The following TCF4 variants were observed in gnomAD, a reference collection of about 807,000 sequenced individuals.
TCF4 encodes the protein transcription factor 4, also known as SL3-3 enhancer factor 2.
A neutral mutation model predicts 82.1 loss-of-function variants in TCF4; 3 were observed. That is an observed-to-expected ratio of 0.04 (90% CI 0.02 to 0.09). The LOEUF (loss-of-function observed/expected upper bound fraction) is 0.09. Ranked by LOEUF, TCF4 falls within the 10% of genes least tolerant of loss-of-function variation. The probability of loss-of-function intolerance (pLI) is 1.00; values close to 1 mark genes in which losing one functional copy is unlikely to be tolerated. For synonymous variants in TCF4, 276 were observed against 309.6 expected (o/e 0.89, Z 1.14); for missense variants, 518 against 852.7 (o/e 0.61, Z 4.89).
intron 3 of TCF4, among the ~76,000 whole-genome samples, chr18:55,570,889 C>CA (rs201400921): frequency 0.024 from 1,639 of 67,556 alleles, 19 homozygotes; most frequent in African/African-American, 0.051. Flanking sequence ...GACCCTGCCT[C>CA]AAAAAAAAAA....
At chr18:55,567,030 C>G (rs1373913642) in intron 3 of TCF4, among the ~76,000 whole-genome samples, 1 of 152,002 alleles carries the variant, frequency 6.6e-6, no homozygotes, top group African/African-American at 2.4e-5. Context: ...TTATGAGCCA[C>G]AGGGAAATTC....
chr18:55,467,934 G>GT (rs2096067539), intron 3 of TCF4, among the ~76,000 whole-genome samples: 1 of 152,158 alleles, frequency 6.6e-6, no homozygotes, highest in Non-Finnish European at 1.5e-5. Flanking sequence ...GCTCAGATGG[G>GT]TTAGAAAACT....
At chr18:55,610,354 G>A (rs1209105913) in intron 2 of TCF4, among the ~76,000 whole-genome samples, 1 of 152,168 alleles carries the variant, frequency 6.6e-6, no homozygotes, top group Non-Finnish European at 1.5e-5. Flanking sequence ...TTTGAGTTTG[G>A]TTGGCATTTC....
intron 5 of TCF4, among the ~76,000 whole-genome samples, chr18:55,418,335 T>C (rs1333581770): frequency 6.6e-6 from 1 of 152,152 alleles, no homozygotes; most frequent in Non-Finnish European, 1.5e-5. Flanking sequence ...TTGAAACTTA[T>C]GAACACATTT....
intron 5 of TCF4, among the ~76,000 whole-genome samples, chr18:55,425,799 T>A (rs907891247): frequency 5.3e-5 from 8 of 152,164 alleles, no homozygotes; most frequent in African/African-American, 1.9e-4. Context: ...GAGATTTCAT[T>A]TCTTTTGTTA....
chr18:55,253,224 T>C (rs549110750), intron 15 of TCF4, among the ~76,000 whole-genome samples: 1 of 152,192 alleles, frequency 6.6e-6, no homozygotes, highest in African/African-American at 2.4e-5. Context: ...AACTGAAAGA[T>C]GGACAGGAGA....
chr18:55,448,730 C>T (rs77679524), intron 5 of TCF4, among the ~76,000 whole-genome samples: 3,755 of 152,322 alleles, frequency 0.025, 85 homozygotes, highest in Non-Finnish European at 0.031. Flanking sequence ...AGTGAGTACT[C>T]TCTCTTATTC....
intron 8 of TCF4, among the ~76,000 whole-genome samples, chr18:55,296,388 C>T (rs1300856222): frequency 5.9e-5 from 9 of 152,126 alleles, no homozygotes; most frequent in Non-Finnish European, 5.9e-5. Flanking sequence ...TGTTAGCTCT[C>T]TTGAGTGCAA....
chr18:55,602,418 G>C (rs2147948080), intron 2 of TCF4, among the ~76,000 whole-genome samples: 1 of 152,102 alleles, frequency 6.6e-6, no homozygotes, highest in African/African-American at 2.4e-5. Context: ...AATCTTTGTT[G>C]GCATCCGCCA....
intron 15 of TCF4, among the ~76,000 whole-genome samples, chr18:55,252,293 T>C (rs2145415212): frequency 6.6e-6 from 1 of 152,218 alleles, no homozygotes; most frequent in East Asian, 1.9e-4. Context: ...GATTGAATAT[T>C]AAATGTCTTC....
chr18:55,634,861 TG>T (rs1338274971), intron 1 of TCF4, among the ~76,000 whole-genome samples: 1 of 152,190 alleles, frequency 6.6e-6, no homozygotes, highest in Non-Finnish European at 1.5e-5. Flanking sequence ...AATAGACTGT[TG>T]AAGGAAGAAC....
chr18:55,412,309 G>C (rs1461019092), intron 5 of TCF4, among the ~76,000 whole-genome samples: 1 of 151,196 alleles, frequency 6.6e-6, no homozygotes, highest in Admixed American at 6.6e-5. Flanking sequence ...CTGGCAGCGT[G>C]CTAGGCCTTT....
At chr18:55,560,658 A>C (rs2097347244) in intron 3 of TCF4, among the ~76,000 whole-genome samples, 1 of 152,218 alleles carries the variant, frequency 6.6e-6, no homozygotes, top group East Asian at 1.9e-4. Context: ...TGAGGAAATT[A>C]TAAATAACAG....
chr18:55,422,924 G>A (rs112001726), intron 5 of TCF4, among the ~76,000 whole-genome samples: 1 of 151,730 alleles, frequency 6.6e-6, no homozygotes, highest in Non-Finnish European at 1.5e-5. Flanking sequence ...GAGCCGATCA[G>A]CATTTTTGGG....
intron 5 of TCF4, among the ~76,000 whole-genome samples, chr18:55,436,497 G>A (rs1406573881): frequency 6.6e-6 from 1 of 152,112 alleles, no homozygotes; most frequent in South Asian, 2.1e-4. Context: ...CATATTACAA[G>A]ACACAGAGGA....
At chr18:55,367,710 C>T (rs550026166) in intron 6 of TCF4, among the ~76,000 whole-genome samples, 5 of 152,270 alleles carry the variant, frequency 3.3e-5, no homozygotes, top group Non-Finnish European at 7.4e-5. Flanking sequence ...TAAACAGTTG[C>T]CTCTTCTAGT....
chr18:55,250,989 G>A (rs1354935139), intron 15 of TCF4, among the ~76,000 whole-genome samples: 2 of 152,170 alleles, frequency 1.3e-5, no homozygotes, highest in Non-Finnish European at 2.9e-5. Flanking sequence ...TTGAGAATGG[G>A]TGGGTATTAG....
At chr18:55,317,401 A>G (rs987583015) in intron 8 of TCF4, among the ~76,000 whole-genome samples, 14 of 152,040 alleles carry the variant, frequency 9.2e-5, no homozygotes, top group Non-Finnish European at 1.6e-4. Context: ...TGGTTCTGAA[A>G]ATAGTAAGTA....
chr18:55,634,532 C>A (rs1168216396), intron 1 of TCF4, among the ~76,000 whole-genome samples: 1 of 151,870 alleles, frequency 6.6e-6, no homozygotes, highest in Non-Finnish European at 1.5e-5. Flanking sequence ...GAAAAAACAT[C>A]CCATCTAGTG....
Sources: gnomAD v4.1 joint callset for allele counts (sites outside exome capture counted in the v4.1 genomes callset) on GRCh38, gnomAD v4.1.1 for gene constraint, MANE v1.5 for transcripts, NCBI Gene and HGNC (gene_info 2026-07-23, HGNC 2026-07-21) for gene names.